Variants in IL1RAPL1 observed in about 807,000 individuals in gnomAD.
IL1RAPL1 encodes interleukin 1 receptor accessory protein like 1.
Under a neutral mutation model 48.4 loss-of-function variants are expected in IL1RAPL1, and 3 were observed. That is an observed-to-expected ratio of 0.06 (90% CI 0.03 to 0.16). The LOEUF is 0.16. Ranked by LOEUF, IL1RAPL1 falls within the 10% of genes least tolerant of loss-of-function variation. IL1RAPL1 has a pLI of 1.00. For missense variants in IL1RAPL1, 349 were observed against 530.6 expected, an observed-to-expected ratio of 0.66 and a Z score of 3.36; for synonymous variants, 185 against 187.7, an observed-to-expected ratio of 0.99 and a Z score of 0.12.
intron 1 of IL1RAPL1, among the ~76,000 whole-genome samples, chrX:28,607,873 T>G (rs2146881773): frequency 9.0e-6 from 1 of 111,175 alleles, no homozygotes; most frequent in Non-Finnish European, 1.9e-5. Flanking sequence ...ACCACGCACA[T>G]AGCAGAGTCC....
rs1450230909 is a variant in IL1RAPL1 at position 29,418,118 on chromosome X, TATATA to T, written c.703+18811_703+18815del. Among the ~76,000 whole-genome samples, 159 of 35,342 alleles carry T rather than the reference TATATA, an allele frequency of 4.5e-3. 2 individuals carry two copies. Among genetic ancestry groups the T allele is most frequent in the African/African-American group, 0.014 (139 of 9,892 alleles). The allele number at this position is 35,342 out of a possible 115,157, so 30.7% of individuals were successfully genotyped here. On this transcript the variant is annotated intron_variant, in intron 5 of 10. Transcript: ENST00000378993. ...ATATATATATATATATATATATATA[TATATA>T]TATTTTTTTTTTTTTTTTTGAGATG...
chrX:29,413,252 G>A (rs1352625301), intron 5 of IL1RAPL1, among the ~76,000 whole-genome samples: 1 of 112,045 alleles, frequency 8.9e-6, no homozygotes, highest in Non-Finnish European at 1.9e-5. Context: ...CCATTAAACC[G>A]CTTTCCTTTA....
intron 2 of IL1RAPL1, among the ~76,000 whole-genome samples, chrX:29,039,230 A>C (rs1339600508): frequency 8.9e-6 from 1 of 111,751 alleles, no homozygotes; most frequent in Non-Finnish European, 1.9e-5. Flanking sequence ...TGGTCAAGGA[A>C]GCATACAGAA....
At chrX:29,909,338 A>G (rs1045316187) in intron 6 of IL1RAPL1, among the ~76,000 whole-genome samples, 1 of 111,552 alleles carries the variant, frequency 9.0e-6, no homozygotes, top group African/African-American at 3.3e-5. Context: ...GGATGAGGTG[A>G]GAGGATTGCT....
intron 1 of IL1RAPL1, among the ~76,000 whole-genome samples, chrX:28,735,610 T>C (rs1935812357): frequency 9.2e-6 from 1 of 108,412 alleles, no homozygotes. Flanking sequence ...AGACCCCATG[T>C]CTTAAAAAAA....
At chrX:29,071,653 A>G (rs1179218645) in intron 2 of IL1RAPL1, among the ~76,000 whole-genome samples, 1 of 111,659 alleles carries the variant, frequency 9.0e-6, no homozygotes, top group East Asian at 2.8e-4. Context: ...CTTATCCCCT[A>G]TAGTATCTAG....
intron 3 of IL1RAPL1, chrX:29,369,154 C>A: frequency 9.0e-6 from 1 of 110,604 alleles, no homozygotes; most frequent in South Asian, 3.9e-4. Context: ...TGTGCAGAAC[C>A]CTGTGGCCTT....
chrX:29,546,210 G>A (rs143611387), intron 5 of IL1RAPL1, among the ~76,000 whole-genome samples: 1 of 111,759 alleles, frequency 8.9e-6, no homozygotes, highest in Non-Finnish European at 1.9e-5. Flanking sequence ...TACTGAGTAG[G>A]TATTCATTGC....
intron 3 of IL1RAPL1, among the ~76,000 whole-genome samples, chrX:29,387,083 G>A (rs1933787698): frequency 9.0e-6 from 1 of 111,512 alleles, no homozygotes; most frequent in South Asian, 3.8e-4. Context: ...AGATGAACAC[G>A]GGATGAAAGA....
intron 6 of IL1RAPL1, among the ~76,000 whole-genome samples, chrX:29,675,838 C>A (rs1486324140): frequency 8.9e-6 from 1 of 112,329 alleles, no homozygotes; most frequent in African/African-American, 3.2e-5. Context: ...ATCTACCCAC[C>A]TTGGCCTCCC....
intron 5 of IL1RAPL1, among the ~76,000 whole-genome samples, chrX:29,436,685 G>A (rs1192251269): frequency 1.8e-5 from 2 of 109,759 alleles, no homozygotes; most frequent in African/African-American, 6.6e-5. Context: ...TGGGTTCTGA[G>A]TGATGAAGAC....
intron 6 of IL1RAPL1, among the ~76,000 whole-genome samples, chrX:29,789,226 C>G (rs1007173709): frequency 8.9e-6 from 1 of 111,979 alleles, no homozygotes; most frequent in Non-Finnish European, 1.9e-5. Flanking sequence ...TGAAAAAATA[C>G]ATTCACATGA....
chrX:29,115,399 C>G (rs1928658563), intron 2 of IL1RAPL1, among the ~76,000 whole-genome samples: 1 of 111,493 alleles, frequency 9.0e-6, no homozygotes, highest in Admixed American at 9.6e-5. Context: ...CCTTGTAGTT[C>G]TGTCTGTCTA....
intron 1 of IL1RAPL1, among the ~76,000 whole-genome samples, chrX:28,676,960 A>G (rs1266698959): frequency 3.6e-5 from 4 of 111,522 alleles, no homozygotes; most frequent in African/African-American, 9.8e-5. Context: ...GTTAATTTTT[A>G]GAAGCTACAC....
At chrX:28,808,996 G>A (rs1936761550) in intron 2 of IL1RAPL1, among the ~76,000 whole-genome samples, 1 of 110,333 alleles carries the variant, frequency 9.1e-6, no homozygotes, top group Non-Finnish European at 1.9e-5. Flanking sequence ...ATTTGGAAAC[G>A]TGCAAATGAA....
chrX:29,505,236 G>A (rs1459969268), intron 5 of IL1RAPL1, among the ~76,000 whole-genome samples: 1 of 111,793 alleles, frequency 8.9e-6, no homozygotes, highest in South Asian at 3.7e-4. Context: ...TTATTATTAT[G>A]AAAGATTTGT....
intron 1 of IL1RAPL1, among the ~76,000 whole-genome samples, chrX:28,738,168 T>C (rs1935867240): frequency 9.4e-6 from 1 of 106,015 alleles, no homozygotes; most frequent in Non-Finnish European, 1.9e-5. Flanking sequence ...ATATCTAATC[T>C]CTTTTTTTAA....
chrX:29,782,096 GTCTGTCTATCTA>G (rs1368253015), intron 6 of IL1RAPL1, among the ~76,000 whole-genome samples: 42 of 90,490 alleles, frequency 4.6e-4, no homozygotes, highest in East Asian at 1.1e-3. Context: ...CTGTCTGTCT[GTCTGTCTATCTA>G]TCTATCTATC....
At chrX:28,626,042 C>G (rs779236782) in intron 1 of IL1RAPL1, among the ~76,000 whole-genome samples, 1 of 111,623 alleles carries the variant, frequency 9.0e-6, no homozygotes, top group African/African-American at 3.3e-5. Flanking sequence ...ATACAAACAC[C>G]AGGAAGATAC....
Sources: gnomAD v4.1 joint callset for allele counts (sites outside exome capture counted in the v4.1 genomes callset) on GRCh38, gnomAD v4.1.1 for gene constraint, MANE v1.5 for transcripts, NCBI Gene and HGNC (gene_info 2026-07-23, HGNC 2026-07-21) for gene names.